RXRA: variants seen among roughly 807,000 people sequenced by gnomAD.
RXRA encodes retinoic acid receptor RXR-alpha.
In RXRA, 5 loss-of-function variants were observed where a neutral mutation model predicts 44.5. The observed-to-expected ratio is 0.11, with a 90% CI of 0.06 to 0.24. The LOEUF (loss-of-function observed/expected upper bound fraction) is 0.24, where lower values mean the gene tolerates loss of function less well. RXRA is among the 10% of genes least tolerant of loss of function. The pLI, the probability that RXRA is intolerant of heterozygous loss-of-function variation, is 1.00. For synonymous variants in RXRA, 291 were observed against 271.4 expected (o/e 1.07, Z -0.71); for missense variants, 412 against 646.5 (o/e 0.64, Z 3.93).
intron 1 of RXRA, among the ~76,000 whole-genome samples, chr9:134,394,107 G>GTA (rs1442681547): frequency 2.2e-4 from 1 of 4,614 alleles, no homozygotes; most frequent in Non-Finnish European, 5.8e-4. Context: ...TGATGGTGAC[G>GTA]GTGGTGGTGG....
At chr9:134,398,404 T>C (rs1830911685) in intron 1 of RXRA, among the ~76,000 whole-genome samples, 1 of 152,084 alleles carries the variant, frequency 6.6e-6, no homozygotes, top group African/African-American at 2.4e-5. Flanking sequence ...GTAGAGGATG[T>C]CGAGGCATTT....
intron 1 of RXRA, among the ~76,000 whole-genome samples, chr9:134,369,701 C>A (rs141236187): frequency 9.9e-5 from 15 of 152,008 alleles, no homozygotes; most frequent in Non-Finnish European, 2.1e-4. Flanking sequence ...CTGACCTGCT[C>A]GGTGGCCTTG....
intron 6 of RXRA, among the ~76,000 whole-genome samples, chr9:134,428,004 C>G (rs1831462449): frequency 6.6e-6 from 1 of 152,092 alleles, no homozygotes. Flanking sequence ...GGGTCCCTGA[C>G]TGTGTGACTG....
intron 1 of RXRA, among the ~76,000 whole-genome samples, chr9:134,392,869 G>A (rs573190556): frequency 1.3e-3 from 195 of 152,146 alleles, no homozygotes; most frequent in Admixed American, 2.9e-3. Context: ...TAGCGGCTGC[G>A]TTGGGAACCC....
At position 134,409,135 on chromosome 9, in the gene RXRA, G is replaced by A. The variant is rs761724465; in HGVS notation, c.610+16G>A. ...AAGCGGGAAGGTAGGCCACGGCGTCGGGTGGGGGCGCGGGCAGGTGTTGGA... is the reference window on the plus strand; with the variant it reads ...AAGCGGGAAGGTAGGCCACGGCGTCAGGTGGGGGCGCGGGCAGGTGTTGGA... On this transcript the variant is annotated intron_variant, in intron 4 of 9. Coordinates refer to ENST00000481739, the MANE Select transcript of RXRA (RefSeq NM_002957.6). 5.2e-6 allele frequency: 8 copies of A among 1,534,822 alleles called. No homozygotes were observed. The South Asian group carries it at 6.1e-5, about 12-fold the overall frequency.
At chr9:134,358,753 G>A (rs1202185289) in intron 1 of RXRA, among the ~76,000 whole-genome samples, 2 of 152,236 alleles carry the variant, frequency 1.3e-5, no homozygotes, top group African/African-American at 4.8e-5. Flanking sequence ...GCAGGCCTGG[G>A]CCCCGGCTGG....
chr9:134,436,616 C>T lies in RXRA; in HGVS notation c.*2C>T. 4.3e-6 allele frequency: 7 copies of T among 1,613,856 alleles called. No individual in the cohort carries two copies. Among genetic ancestry groups the T allele is most frequent in the Non-Finnish European group, 5.1e-6 (6 of 1,179,982 alleles). On this transcript the variant is annotated 3_prime_UTR_variant, in exon 10 of 10. Transcript: ENST00000481739. ...GAGGCGCCGCACCAAATGACTTAGGCCTGCGGGCCCATCCTTTGTGCCCAC... is the reference window on the plus strand; with the variant it reads ...GAGGCGCCGCACCAAATGACTTAGGTCTGCGGGCCCATCCTTTGTGCCCAC...
intron 5 of RXRA, among the ~76,000 whole-genome samples, chr9:134,420,171 C>T (rs929511152): frequency 6.6e-6 from 1 of 152,204 alleles, no homozygotes; most frequent in Non-Finnish European, 1.5e-5. Flanking sequence ...TTCCCATATC[C>T]CCCCGCCCCT....
chr9:134,430,955 C>T (rs951871995), intron 7 of RXRA, among the ~76,000 whole-genome samples: 1 of 152,236 alleles, frequency 6.6e-6, no homozygotes, highest in East Asian at 1.9e-4. Flanking sequence ...GTGCTCCTGC[C>T]TCAGAGCAGA....
intron 4 of RXRA, among the ~76,000 whole-genome samples, chr9:134,416,046 C>T (rs1831228873): frequency 6.6e-6 from 1 of 150,876 alleles, no homozygotes; most frequent in African/African-American, 2.4e-5. Flanking sequence ...GGTTGGGGAC[C>T]AGAGCCCCAG....
chr9:134,401,492 C>A, intron 1 of RXRA, 140 bp from the exon 2 acceptor site: 1 of 1,325,626 alleles, frequency 7.5e-7, no homozygotes, highest in Non-Finnish European at 1.0e-6. Context: ...CGTCAGAGAG[C>A]TGTCGAGACC....
chr9:134,367,803 C>T (rs1830433192), intron 1 of RXRA, among the ~76,000 whole-genome samples: 1 of 152,208 alleles, frequency 6.6e-6, no homozygotes, highest in Non-Finnish European at 1.5e-5. Context: ...GGGTTCCTCT[C>T]CCACACCTGA....
At chr9:134,420,002 G>A (rs751758891) in intron 5 of RXRA, among the ~76,000 whole-genome samples, 13 of 152,226 alleles carry the variant, frequency 8.5e-5, no homozygotes, top group Non-Finnish European at 1.9e-4. Flanking sequence ...GCCCAGGAGG[G>A]CTTGAGGCTC....
chr9:134,413,052 C>G (rs1256658851), intron 4 of RXRA, among the ~76,000 whole-genome samples: 1 of 151,866 alleles, frequency 6.6e-6, no homozygotes, highest in Non-Finnish European at 1.5e-5. Context: ...CAGGTCTCTG[C>G]TGTGGGAAGG....
chr9:134,331,081 G>T (rs1362714425), intron 1 of RXRA, among the ~76,000 whole-genome samples: 1 of 152,170 alleles, frequency 6.6e-6, no homozygotes, highest in African/African-American at 2.4e-5. Flanking sequence ...CACTGAGGTA[G>T]CCCTTTCTGT....
chr9:134,423,355 T>G, intron 6 of RXRA: 1 of 985,468 alleles, frequency 1.0e-6, no homozygotes, highest in East Asian at 1.1e-4. Flanking sequence ...GCTACCGCAC[T>G]GTGGGCTCCG....
chr9:134,417,073 C>T lies in RXRA; in HGVS notation c.611-85C>T, dbSNP rs547800279. The T allele has an allele frequency of 5.6e-6, 8 of 1,433,326 alleles. No individual in the cohort carries two copies. The African/African-American group carries it at 1.1e-4, about 20-fold the overall frequency. 88.8% of individuals were successfully genotyped at this position (1,433,326 alleles called of 1,614,324 possible). On this transcript the variant is annotated intron_variant, in intron 4 of 9. Transcript: ENST00000481739. The surrounding 1 kb of genome is among the most constrained non-coding windows in gnomAD (Gnocchi z 6.1). The stretch of plus-strand genomic sequence containing the variant: ...GTGTTGTGGGTGAGTTGGCTGGGAG[C>T]TGGCACCACCCGGCCAGGACAGCCT...
chr9:134,424,509 C>A lies in RXRA; in HGVS notation c.910+2704C>A. The A allele has an allele frequency of 3.0e-6, 3 of 985,454 alleles. No homozygotes were observed. The South Asian group carries it at 1.4e-4, about 46-fold the overall frequency. The allele number at this position is 985,454 out of a possible 1,614,324, so 61.0% of individuals were successfully genotyped here. A position where few individuals can be genotyped will look rare whatever the true frequency, so the allele number is the denominator to read the frequency against. On this transcript the variant is annotated intron_variant, in intron 6 of 9. Transcript: ENST00000481739. ...ATGGTGAGGTCTGAAGCTGCATTTC[C>A]GGCATGAGTCCCAGCCCCACTACCC... is the stretch of plus-strand genomic sequence containing the variant.
At chr9:134,418,610 T>A (rs1831278555) in intron 5 of RXRA, among the ~76,000 whole-genome samples, 1 of 152,186 alleles carries the variant, frequency 6.6e-6, no homozygotes, top group African/African-American at 2.4e-5. Flanking sequence ...TTCCCCAGGC[T>A]TTGGTCTCAG....
Sources: allele counts gnomAD v4.1 joint callset (sites outside exome capture counted in the v4.1 genomes callset), GRCh38; gene constraint gnomAD v4.1.1; non-coding constraint Gnocchi (gnomAD v3.1); transcripts MANE v1.5; gene names NCBI Gene and HGNC (gene_info 2026-07-23, HGNC 2026-07-21).